LSM14A: variants seen among roughly 807,000 people sequenced by gnomAD.
LSM14A encodes LSM14A mRNA processing body assembly factor.
In LSM14A, 14 loss-of-function variants were observed where a neutral mutation model predicts 52.4. That is an observed-to-expected ratio of 0.27 (90% confidence interval 0.18 to 0.42). LSM14A has a LOEUF of 0.42. Ranked by LOEUF, LSM14A falls within the 10% of genes least tolerant of loss-of-function variation. The pLI is 1.00. For missense variants in LSM14A, 417 were observed against 581.8 expected (o/e 0.72, Z 2.91); for synonymous variants, 185 against 200.3 (o/e 0.92, Z 0.64).
At chr19:34,197,660 C>G (rs1476506768) in intron 3 of LSM14A, among the ~76,000 whole-genome samples, 1 of 149,812 alleles carries the variant, frequency 6.7e-6, no homozygotes, top group Non-Finnish European at 1.5e-5. Context: ...AAGCTGGTCT[C>G]GAACTCCTGA....
At chr19:34,200,690 C>T (rs980658361) in intron 3 of LSM14A, among the ~76,000 whole-genome samples, 1 of 152,002 alleles carries the variant, frequency 6.6e-6, no homozygotes, top group East Asian at 1.9e-4. Flanking sequence ...AAATTAATTC[C>T]TTTTAGACTT....
chr19:34,192,316 G>GGTTTTTTTTTTTTTTTTTTTTT (rs1341848304), intron 1 of LSM14A, among the ~76,000 whole-genome samples: 3 of 65,822 alleles, frequency 4.6e-5, no homozygotes, highest in Non-Finnish European at 5.8e-5. Context: ...CATTCTTTTT[G>GGTTTTTTTTTTTTTTTTTTTTT]TTGTTTTTTT....
intron 6 of LSM14A, among the ~76,000 whole-genome samples, chr19:34,217,255 CAAAA>C (rs55881439): frequency 5.4e-5 from 6 of 110,244 alleles, no homozygotes; most frequent in African/African-American, 1.0e-4. Context: ...GAGAGTCTGT[CAAAA>C]AAAAAAAAAA....
At chr19:34,188,875 C>T (rs1353186556) in intron 1 of LSM14A, among the ~76,000 whole-genome samples, 2 of 151,298 alleles carry the variant, frequency 1.3e-5, no homozygotes, top group Non-Finnish European at 2.9e-5. Context: ...CATAATTTGT[C>T]TTTTGTTGAT....
intron 1 of LSM14A, among the ~76,000 whole-genome samples, chr19:34,181,054 C>G (rs1337915010): frequency 1.3e-5 from 2 of 152,148 alleles, no homozygotes; most frequent in African/African-American, 2.4e-5. Context: ...CTCACATACC[C>G]AGTTACCTGC....
intron 3 of LSM14A, among the ~76,000 whole-genome samples, chr19:34,200,702 C>A (rs904247036): frequency 3.3e-5 from 5 of 152,068 alleles, no homozygotes; most frequent in African/African-American, 1.2e-4. Context: ...TTTAGACTTA[C>A]TTTAGGTGAA....
chr19:34,201,330 A>G (rs986268501), intron 3 of LSM14A, among the ~76,000 whole-genome samples: 3 of 152,148 alleles, frequency 2.0e-5, no homozygotes, highest in African/African-American at 7.2e-5. Flanking sequence ...TTTTTCAGAA[A>G]AGGAATTAAC....
chr19:34,216,354 A>C (rs1311851376), intron 6 of LSM14A, among the ~76,000 whole-genome samples: 1 of 151,394 alleles, frequency 6.6e-6, no homozygotes, highest in Non-Finnish European at 1.5e-5. Flanking sequence ...TGGAGCTTGC[A>C]GTGAGCCGAG....
intron 1 of LSM14A, among the ~76,000 whole-genome samples, chr19:34,189,612 C>T (rs992377635): frequency 6.6e-6 from 1 of 151,890 alleles, no homozygotes; most frequent in Non-Finnish European, 1.5e-5. Flanking sequence ...TCTCAAAGTA[C>T]TACGTGTTAT....
At chr19:34,188,789 T>G (rs746628173) in intron 1 of LSM14A, among the ~76,000 whole-genome samples, 14 of 151,910 alleles carry the variant, frequency 9.2e-5, no homozygotes, top group Non-Finnish European at 1.5e-4. Flanking sequence ...AGCATTGTGG[T>G]TTTTTTATGG....
chr19:34,194,335 CT>C (rs2070692655), intron 1 of LSM14A, 142 bp from the exon 2 acceptor site: 6 of 767,010 alleles, frequency 7.8e-6, no homozygotes, highest in Non-Finnish European at 1.2e-5. Context: ...TTTAAAAAAA[CT>C]TTTTTAGCTA....
chr19:34,224,029 T>G lies in LSM14A; in HGVS notation c.1368+2291T>G, dbSNP rs543599579. On this transcript the variant is annotated intron_variant, in intron 9 of 9. Coordinates refer to ENST00000544216, the MANE Select transcript of LSM14A (RefSeq NM_015578.4). ...GGCATCCATCCCACCCCAGGGATGT[T>G]CTAACTGTTACAATCTCAGCTGGGC... Among the ~76,000 whole-genome samples the G allele has an allele frequency of 2.0e-5, 3 of 152,252 alleles. No individual in the cohort carries two copies. In the East Asian group the frequency reaches 5.8e-4, roughly 29 times the overall value.
chr19:34,186,819 T>G (rs894868636), intron 1 of LSM14A, among the ~76,000 whole-genome samples: 4 of 152,222 alleles, frequency 2.6e-5, no homozygotes, highest in African/African-American at 9.6e-5. Context: ...GTTTCTTAAC[T>G]TTGTAAGCGT....
chr19:34,217,617 GTGTTTTTTTT>G (rs2072737031), intron 6 of LSM14A, among the ~76,000 whole-genome samples: 1 of 36,696 alleles, frequency 2.7e-5, no homozygotes, highest in South Asian at 1.4e-3. Context: ...CCCCCCCCCC[GTGTTTTTTTT>G]TTTTTTTTTT....
chr19:34,215,692 A>G (rs749854106), intron 6 of LSM14A, 31 bp downstream of exon 6: 92 of 1,416,200 alleles, frequency 6.5e-5, no homozygotes, highest in South Asian at 2.5e-4. Flanking sequence ...GTCATATTCT[A>G]TGCTTCTCAA....
rs746518009 is a variant in LSM14A at position 34,215,235 on chromosome 19, C to T, written c.650C>T (p.Pro217Leu). Residue 217 changes from proline to leucine, a missense_variant, in exon 5 of 10, where the codon CCT (proline) becomes CTT (leucine). By Grantham distance (98) the Pro-to-Leu change is moderately conservative (BLOSUM62 -3). Around this residue, in one of 2 missense-constraint regions of LSM14A, gnomAD observed 357 missense variants for 457.0 expected, o/e 0.78. Transcript: ENST00000544216. ...PAPAAVGRRSPVSTRPLPSAS... is the reference protein window; with the variant it reads ...PAPAAVGRRSLVSTRPLPSAS... The stretch of plus-strand genomic sequence containing the variant: ...CCAGCAGCTGTTGGGAGAAGGAGTC[C>T]TGTATCAACCAGGCCTTTGCCATCT... The T allele has an allele frequency of 6.8e-6, 11 of 1,614,190 alleles. No homozygotes were observed. The highest frequency in any genetic ancestry group is 5.5e-5 in the South Asian group (5 of 91,084).
At chr19:34,192,992 A>G (rs942272695) in intron 1 of LSM14A, among the ~76,000 whole-genome samples, 27 of 152,066 alleles carry the variant, frequency 1.8e-4, no homozygotes, top group Non-Finnish European at 2.6e-4. Context: ...AAAAAAGAAA[A>G]AAAATAGAAA....
intron 3 of LSM14A, among the ~76,000 whole-genome samples, chr19:34,200,095 G>C (rs2071185221): frequency 6.6e-6 from 1 of 152,196 alleles, no homozygotes; most frequent in Non-Finnish European, 1.5e-5. Context: ...CCTTTGTGGG[G>C]TTCTTGCTGA....
intron 4 of LSM14A, among the ~76,000 whole-genome samples, chr19:34,213,412 T>C (rs902271097): frequency 2.0e-5 from 3 of 152,234 alleles, no homozygotes; most frequent in African/African-American, 7.2e-5. Flanking sequence ...GTGCATACTT[T>C]AGATAATCAT....
Sources: gnomAD v4.1 joint callset for allele counts (sites outside exome capture counted in the v4.1 genomes callset) on GRCh38, gnomAD v4.1.1 for gene constraint, gnomAD v4.1.1 regional missense constraint, MANE v1.5 for transcripts, NCBI Gene and HGNC (gene_info 2026-07-23, HGNC 2026-07-21) for gene names.